Variants in JAK1 observed in about 807,000 individuals in gnomAD.
JAK1 encodes tyrosine-protein kinase JAK1.
A neutral mutation model predicts 136.6 loss-of-function variants in JAK1; 16 were observed. The observed-to-expected ratio is 0.12, with a 90% CI of 0.08 to 0.18. The LOEUF (loss-of-function observed/expected upper bound fraction) is 0.18. Among genes scored for constraint, JAK1 ranks in the 10% least tolerant of loss-of-function variants. The pLI, the probability that JAK1 is intolerant of heterozygous loss-of-function variation, is 1.00. For missense variants in JAK1, 859 were observed against 1,450.1 expected (o/e 0.59, Z 6.62); for synonymous variants, 492 against 519.5 (o/e 0.95, Z 0.72).
At chr1:64,879,574 T>A (rs1644738035) in intron 3 of JAK1, among the ~76,000 whole-genome samples, 1 of 152,188 alleles carries the variant, frequency 6.6e-6, no homozygotes, top group African/African-American at 2.4e-5. Flanking sequence ...AGAAAGCACT[T>A]AAACAATTCT....
intron 1 of JAK1, among the ~76,000 whole-genome samples, chr1:64,965,098 C>A (rs1459578413): frequency 6.6e-6 from 1 of 151,818 alleles, no homozygotes; most frequent in African/African-American, 2.4e-5. Context: ...ATATTTAACT[C>A]AAATCTTTTC....
intron 1 of JAK1, among the ~76,000 whole-genome samples, chr1:64,918,214 A>T (rs1253565966): frequency 1.3e-5 from 2 of 152,212 alleles, no homozygotes; most frequent in Non-Finnish European, 2.9e-5. Context: ...TGAATGGTGG[A>T]TACATAGGTA....
At chr1:65,056,025 C>T (rs1214881082) in intron 1 of JAK1, among the ~76,000 whole-genome samples, 1 of 152,210 alleles carries the variant, frequency 6.6e-6, no homozygotes, top group East Asian at 1.9e-4. Flanking sequence ...CAACACATAA[C>T]TTCTTGAAGC....
intron 2 of JAK1, among the ~76,000 whole-genome samples, chr1:65,035,424 A>T (rs1647064191): frequency 6.6e-6 from 1 of 152,166 alleles, no homozygotes; most frequent in South Asian, 2.1e-4. Context: ...CATCCGTGAG[A>T]TGTCATGGAA....
At chr1:64,988,745 C>T (rs1646623355) in intron 2 of JAK1, among the ~76,000 whole-genome samples, 1 of 151,464 alleles carries the variant, frequency 6.6e-6, no homozygotes, top group South Asian at 2.1e-4. Flanking sequence ...AAAAATCAGC[C>T]AGGCCTGGTG....
chr1:64,953,715 A>C (rs1341872824), intron 1 of JAK1, among the ~76,000 whole-genome samples: 1 of 152,186 alleles, frequency 6.6e-6, no homozygotes, highest in Non-Finnish European at 1.5e-5. Flanking sequence ...GCCAGAGTGA[A>C]GTGGCATCAT....
chr1:65,002,275 C>T (rs1646765842), intron 2 of JAK1: 1 of 152,330 alleles, frequency 6.6e-6, no homozygotes, highest in Non-Finnish European at 1.5e-5. Flanking sequence ...CAAGCGCCCC[C>T]GCTGCCCCTG....
At chr1:65,037,203 A>G (rs1647082854) in intron 2 of JAK1, among the ~76,000 whole-genome samples, 1 of 152,242 alleles carries the variant, frequency 6.6e-6, no homozygotes, top group Non-Finnish European at 1.5e-5. Context: ...AAGAAAAAGA[A>G]AAACAATTGA....
chr1:64,841,165 G>T, intron 19 of JAK1, 80 bp downstream of exon 19: 1 of 1,005,976 alleles, frequency 9.9e-7, no homozygotes. Context: ...AGAATGGAGA[G>T]CAGCTGTACG....
At chr1:65,036,805 A>G (rs1647078828) in intron 2 of JAK1, among the ~76,000 whole-genome samples, 2 of 152,264 alleles carry the variant, frequency 1.3e-5, no homozygotes, top group Non-Finnish European at 2.9e-5. Flanking sequence ...TCAATGGACT[A>G]TTATGTAATC....
At chr1:65,037,555 G>A (rs1647085896) in intron 2 of JAK1, among the ~76,000 whole-genome samples, 1 of 152,192 alleles carries the variant, frequency 6.6e-6, no homozygotes, top group Admixed American at 6.5e-5. Flanking sequence ...AATAAGTATA[G>A]ATTTTCATTT....
rs889753089 is a variant in JAK1 at position 64,919,893 on chromosome 1, C to T, written c.-77-33552G>A. Among the ~76,000 whole-genome samples the T allele has an allele frequency of 3.3e-5, 5 of 151,922 alleles. No individual in the cohort carries two copies. The South Asian group carries it at 6.2e-4, about 19-fold the overall frequency. On this transcript the variant is annotated intron_variant, in intron 1 of 24. Transcript: ENST00000342505. ...ACCCTAGATCCTCTCAGGACAGAGT[C>T]GGGTTCTTGGATGAGGTCCTTCCAT...
At chr1:64,951,649 CTTTTTTTT>C (rs71056071) in intron 1 of JAK1, among the ~76,000 whole-genome samples, 3 of 76,986 alleles carry the variant, frequency 3.9e-5, no homozygotes, top group Non-Finnish European at 6.9e-5. Flanking sequence ...CAAGTTCTGC[CTTTTTTTT>C]TTTTTTTTTT....
intron 20 of JAK1, among the ~76,000 whole-genome samples, chr1:64,839,013 G>C (rs973544243): frequency 4.0e-5 from 6 of 151,014 alleles, no homozygotes; most frequent in African/African-American, 1.5e-4. Context: ...GGGCGTGATG[G>C]CGGGCGCCTG....
intron 1 of JAK1, among the ~76,000 whole-genome samples, chr1:64,900,552 C>T (rs1380439450): frequency 6.6e-6 from 1 of 152,152 alleles, no homozygotes; most frequent in Admixed American, 6.5e-5. Flanking sequence ...GAACTGCGAC[C>T]ATATCCACTT....
At chr1:65,007,291 C>A (rs757930665) in intron 2 of JAK1, among the ~76,000 whole-genome samples, 5 of 152,154 alleles carry the variant, frequency 3.3e-5, no homozygotes, top group Non-Finnish European at 5.9e-5. Context: ...CTCTTGTCTT[C>A]TCTCTGTAGG....
chr1:64,858,893 G>T (rs1196795733), intron 9 of JAK1, among the ~76,000 whole-genome samples: 1 of 152,220 alleles, frequency 6.6e-6, no homozygotes, highest in Non-Finnish European at 1.5e-5. Context: ...CACGGATAAG[G>T]TGATATCTGA....
At chr1:64,888,619 C>T (rs980213340) in intron 1 of JAK1, among the ~76,000 whole-genome samples, 2 of 152,190 alleles carry the variant, frequency 1.3e-5, no homozygotes, top group African/African-American at 4.8e-5. Context: ...TAGAATTCTA[C>T]AAAAACCAGT....
chr1:64,994,308 A>G (rs115817166), intron 2 of JAK1, among the ~76,000 whole-genome samples: 2,733 of 152,316 alleles, frequency 0.018, 100 homozygotes, highest in African/African-American at 0.063. Context: ...AGTAGTGGCA[A>G]TGTTGTGCAC....
Sources: allele counts gnomAD v4.1 joint callset (sites outside exome capture counted in the v4.1 genomes callset), GRCh38; gene constraint gnomAD v4.1.1; transcripts MANE v1.5; gene names NCBI Gene and HGNC (gene_info 2026-07-23, HGNC 2026-07-21).